Variants in DUOX1 observed in about 807,000 individuals in gnomAD.
The protein encoded by DUOX1 is NADPH thyroid oxidase 1.
DUOX1 carries 134 observed loss-of-function variants against 181.8 expected under a neutral mutation model. The observed-to-expected ratio is 0.74, with a 90% CI of 0.64 to 0.85. DUOX1 has a LOEUF of 0.85. DUOX1 is among the 40% of genes least tolerant of loss of function. DUOX1 has a pLI of 0.00. For synonymous variants in DUOX1, 798 were observed against 832.5 expected (o/e 0.96, Z 0.71); for missense variants, 1,814 against 2,064.4 (o/e 0.88, Z 2.35).
At chr15:45,153,757 C>A in intron 26 of DUOX1, 194 bp from the exon 27 acceptor site, 1 of 637,902 alleles carries the variant, frequency 1.6e-6, no homozygotes. Flanking sequence ...CATGGTGGTG[C>A]GTGCCTGTAA....
intron 18 of DUOX1, among the ~76,000 whole-genome samples, chr15:45,146,444 G>A (rs544745603): frequency 6.6e-6 from 1 of 152,168 alleles, no homozygotes; most frequent in Non-Finnish European, 1.5e-5. Flanking sequence ...GGGGCTATGG[G>A]AACTCCCTGT....
At chr15:45,145,203 A>G in intron 18 of DUOX1, 123 bp downstream of exon 18, 2 of 943,328 alleles carry the variant, frequency 2.1e-6, no homozygotes, top group Non-Finnish European at 3.0e-6. Flanking sequence ...AGTCTATTGC[A>G]ATTTTGGATG....
chr15:45,164,743 CAA>C (rs762808641), intron 33 of DUOX1, 34 bp from the exon 34 acceptor site: 3 of 1,613,762 alleles, frequency 1.9e-6, no homozygotes, highest in South Asian at 1.1e-5. Flanking sequence ...TGCCTCTGAG[CAA>C]AGAGTTAGCC....
intron 28 of DUOX1, among the ~76,000 whole-genome samples, chr15:45,159,360 C>T (rs893969534): frequency 8.5e-5 from 13 of 152,164 alleles, no homozygotes; most frequent in African/African-American, 2.9e-4. Flanking sequence ...AGATGGAAAG[C>T]GAGTGGCCCA....
At chr15:45,140,766 G>A in intron 12 of DUOX1, 129 bp from the exon 13 acceptor site, 1 of 905,966 alleles carries the variant, frequency 1.1e-6, no homozygotes, top group Non-Finnish European at 1.7e-6. Flanking sequence ...AATAAGCACT[G>A]TATAGGAGTG....
At chr15:45,138,756 G>C in intron 10 of DUOX1, 2 of 301,354 alleles carry the variant, frequency 6.6e-6, no homozygotes, top group Non-Finnish European at 6.1e-6. Context: ...CAGCTGGTTA[G>C]TAACAGAGGA....
At chr15:45,151,824 G>A in intron 23 of DUOX1, 50 bp from the exon 24 acceptor site, 2 of 1,564,598 alleles carry the variant, frequency 1.3e-6, no homozygotes, top group Non-Finnish European at 1.7e-6. Context: ...GGCCCCACTA[G>A]CGTTGGGTCC....
intron 15 of DUOX1, among the ~76,000 whole-genome samples, chr15:45,142,790 AGGGAGGAAGGG>A: frequency 6.8e-6 from 1 of 147,010 alleles, no homozygotes; most frequent in African/African-American, 2.5e-5. Context: ...GAAGGAAGGG[AGGGAGGAAGGG>A]AGGGAGGAAG....
Position 45,164,813 on chromosome 15 carries a change from C to T in DUOX1, c.4568C>T (p.Pro1523Leu), listed in dbSNP as rs1897187711. The change falls in exon 34 of 34, where the codon CCT (proline) becomes CTT (leucine). Residue 1523 changes from proline to leucine, a missense_variant. This residue lies in a region of DUOX1 where 124 missense variants were observed against 125.7 expected (regional missense o/e 0.99). Coordinates refer to ENST00000389037, the MANE Select transcript of DUOX1 (RefSeq NM_175940.3). ...ATCGGGGTGTTTAGCTGTGGCCCCC[C>T]TGGCATGACCAAGAATGTGGAAAAG... ...RKIGVFSCGP[P>L]GMTKNVEKAC... 6.2e-7 allele frequency: 1 copy of T among 1,614,166 alleles called. No individual in the cohort carries two copies. The highest frequency in any genetic ancestry group is 2.2e-5 in the East Asian group (1 of 44,886).
Position 45,134,138 on chromosome 15 carries a change from A to C in DUOX1, c.143-7A>C. The C allele has an allele frequency of 6.5e-7, 1 of 1,548,356 alleles. No individual in the cohort carries two copies. Among genetic ancestry groups the C allele is most frequent in the Non-Finnish European group, 8.7e-7 (1 of 1,152,764 alleles). ...ATTCATCCTTATCCTTACCCCTCCT[A>C]CCCCAGGCTCCCGGCTGCAGCGCCT... is the stretch of plus-strand genomic sequence containing the variant. On this transcript the variant is annotated splice_region_variant and splice_polypyrimidine_tract_variant and intron_variant, in intron 3 of 33. Transcript: ENST00000389037.
At chr15:45,155,464 G>T (rs1896947535) in intron 27 of DUOX1, 1 of 250,826 alleles carries the variant, frequency 4.0e-6, no homozygotes, top group South Asian at 5.7e-5. Flanking sequence ...TACTCAGGAG[G>T]CCGAGGCAGA....
At chr15:45,154,096 C>A in intron 27 of DUOX1, 96 bp downstream of exon 27, 1 of 1,173,800 alleles carries the variant, frequency 8.5e-7, no homozygotes, top group South Asian at 1.2e-5. Flanking sequence ...TTCACTCACT[C>A]AGCTCTTCCG....
Position 45,141,996 on chromosome 15 carries a change from G to A in DUOX1, c.1706G>A (p.Arg569Lys). The stretch of plus-strand genomic sequence containing the variant: ...CCAGGAGACCCCTGTCCGCAGCCGA[G>A]ACAGCTCAGCACTGAAGGCCTGCCA... ...WHKGDPCPQP[R>K]QLSTEGLPAC... Residue 569 changes from arginine to lysine, a missense_variant, in exon 15 of 34, where the codon AGA becomes AAA. By Grantham distance (26) the Arg-to-Lys change is conservative. Coordinates refer to ENST00000389037, the MANE Select transcript of DUOX1 (RefSeq NM_175940.3). 1.2e-6 allele frequency: 2 copies of A among 1,613,202 alleles called. No individual in the cohort carries two copies. Among genetic ancestry groups the A allele is most frequent in the Non-Finnish European group, 1.7e-6 (2 of 1,179,818 alleles).
chr15:45,163,472 C>A lies in DUOX1; in HGVS notation c.4249-60C>A, dbSNP rs1171123065. 7 of 1,605,256 alleles carry A rather than the reference C, an allele frequency of 4.4e-6. No homozygotes were observed. In the Admixed American group the frequency reaches 5.0e-5, roughly 12 times the overall value. On this transcript the variant is annotated intron_variant, in intron 31 of 33. Transcript: ENST00000389037. ...AGAAGAGTTCTATCAGTATGGACACCCCTGGGGTTTAGGGAGACTGAGCTG... is the reference window on the plus strand; with the variant it reads ...AGAAGAGTTCTATCAGTATGGACACACCTGGGGTTTAGGGAGACTGAGCTG...
Position 45,132,032 on chromosome 15 carries a change from C to T in DUOX1, c.58+8C>T, listed in dbSNP as rs1459136892. On this transcript the variant is annotated splice_region_variant and intron_variant, in intron 2 of 33. Coordinates refer to ENST00000389037, the MANE Select transcript of DUOX1 (RefSeq NM_175940.3). ...GGGCATGGACCCCTCTGGGTGAGTACAGATTGGAGGAGAAGCATGGTTAGG... is the reference window on the plus strand; with the variant it reads ...GGGCATGGACCCCTCTGGGTGAGTATAGATTGGAGGAGAAGCATGGTTAGG... 1 of 1,600,482 alleles carries T rather than the reference C, an allele frequency of 6.2e-7. No individual in the cohort carries two copies. Among genetic ancestry groups the T allele is most frequent in the Non-Finnish European group, 8.5e-7 (1 of 1,175,692 alleles).
At chr15:45,141,952 G>T in intron 14 of DUOX1, 23 bp from the exon 15 acceptor site, 1 of 1,598,548 alleles carries the variant, frequency 6.3e-7, no homozygotes, top group Non-Finnish European at 8.5e-7. Flanking sequence ...CACCCAGGAC[G>T]CTGGCTTCCT....
In DUOX1 at chr15:45,147,570, G is replaced by A. The variant is rs148880743; in HGVS notation, c.2460G>A (p.Val820=). ...SLGLKPQDMF[V]ESMFSLADKD... ...GCCTCAAGCCCCAGGACATGTTTGT[G>A]GAGTCCATGTTCTCTCTGGCTGACA... Residue 820 remains valine (V), a synonymous_variant, in exon 19 of 34, where the codon GTG becomes GTA. Transcript: ENST00000389037. 6 of 1,613,976 alleles carry A rather than the reference G, an allele frequency of 3.7e-6. No individual in the cohort carries two copies. In the African/African-American group the frequency reaches 8.0e-5, roughly 22 times the overall value.
In DUOX1 at chr15:45,154,064, C is replaced by T. The variant is rs1041647461; in HGVS notation, c.3574+64C>T. 8 of 1,513,092 alleles carry T rather than the reference C, an allele frequency of 5.3e-6. No homozygotes were observed. In the African/African-American group the frequency reaches 1.1e-4, roughly 21 times the overall value. 93.7% of individuals were successfully genotyped at this position (1,513,092 alleles called of 1,614,324 possible). A position where few individuals can be genotyped will look rare whatever the true frequency, so the allele number is the denominator to read the frequency against. ...CTGTGAGTTCAAGGCTCTGGGTTCT[C>T]TGCACCCCAGAGCAACCCACGTTCA... On this transcript the variant is annotated intron_variant, in intron 27 of 33. Transcript: ENST00000389037.
chr15:45,160,870 C>A lies in DUOX1; in HGVS notation c.3736C>A (p.Leu1246Met). The A allele has an allele frequency of 6.2e-7, 1 of 1,612,508 alleles. No individual in the cohort carries two copies. Among genetic ancestry groups the A allele is most frequent in the East Asian group, 2.2e-5 (1 of 44,872 alleles). The change falls in exon 29 of 34, where the codon CTG becomes ATG. Residue 1246 changes from leucine to methionine, a missense_variant. Leu to Met is a conservative substitution (Grantham distance 15, BLOSUM62 2). Coordinates refer to ENST00000389037, the MANE Select transcript of DUOX1 (RefSeq NM_175940.3). ...CCATGGTAGCTTTGCCCTGATCCAG[C>A]TGCCCCGTTTCCACATCTTCTTCCT... ...IIHGSFALIQLPRFHIFFLVP... is the reference protein window; with the variant it reads ...IIHGSFALIQMPRFHIFFLVP...
Sources: allele counts gnomAD v4.1 joint callset (sites outside exome capture counted in the v4.1 genomes callset), GRCh38; gene constraint gnomAD v4.1.1; regional missense constraint gnomAD v4.1.1; transcripts MANE v1.5; gene names NCBI Gene and HGNC (gene_info 2026-07-23, HGNC 2026-07-21).